The following CA10 variants were observed in gnomAD, a reference collection of about 807,000 sequenced individuals.
CA10 encodes the protein carbonic anhydrase-related protein 10.
Under a neutral mutation model 44.2 loss-of-function variants are expected in CA10, and 14 were observed. The observed-to-expected ratio is 0.32, with a 90% CI of 0.21 to 0.50. The LOEUF is 0.50. Among genes scored for constraint, CA10 ranks in the 20% least tolerant of loss-of-function variants. The pLI is 0.99. For missense variants in CA10, 350 were observed against 409.7 expected (o/e 0.85, Z 1.26); for synonymous variants, 159 against 141.6 (o/e 1.12, Z -0.87).
At chr17:51,939,253 G>C (rs188525383) in intron 2 of CA10, among the ~76,000 whole-genome samples, 6 of 152,166 alleles carry the variant, frequency 3.9e-5, no homozygotes, top group African/African-American at 1.4e-4. Flanking sequence ...CTTGTGTAAA[G>C]CTACAGAACT....
At chr17:51,793,343 G>A (rs141512291) in intron 3 of CA10, among the ~76,000 whole-genome samples, 30 of 152,280 alleles carry the variant, frequency 2.0e-4, no homozygotes, top group Non-Finnish European at 3.7e-4. Context: ...TGTGGTTGCA[G>A]TTTCACATGA....
At chr17:51,657,472 A>G (rs531991891) in intron 4 of CA10, among the ~76,000 whole-genome samples, 3 of 152,288 alleles carry the variant, frequency 2.0e-5, no homozygotes, top group Admixed American at 2.0e-4. Context: ...GCATGGGTCC[A>G]GGTGGGTCTG....
At chr17:51,887,960 G>A (rs1477943348) in intron 3 of CA10, among the ~76,000 whole-genome samples, 4 of 152,112 alleles carry the variant, frequency 2.6e-5, no homozygotes, top group Non-Finnish European at 5.9e-5. Context: ...AGGAGGCAGA[G>A]GTTGCAGTAA....
chr17:51,694,606 C>A (rs947848165), intron 4 of CA10, among the ~76,000 whole-genome samples: 5 of 150,510 alleles, frequency 3.3e-5, no homozygotes, highest in Non-Finnish European at 7.4e-5. Flanking sequence ...TGTGGGTGGT[C>A]TGTTTACTCT....
chr17:51,963,198 CCAGT>C (rs936991988), intron 2 of CA10, among the ~76,000 whole-genome samples: 11 of 151,772 alleles, frequency 7.2e-5, no homozygotes, highest in African/African-American at 1.5e-4. Context: ...TTGAACTAAC[CCAGT>C]CAGACAAAAA....
intron 2 of CA10, among the ~76,000 whole-genome samples, chr17:51,932,714 G>T (rs1431710474): frequency 6.6e-6 from 1 of 152,104 alleles, no homozygotes; most frequent in Non-Finnish European, 1.5e-5. Flanking sequence ...AGGAAGAGGA[G>T]AAACATTGAC....
At chr17:51,729,010 A>T (rs1916622133) in intron 4 of CA10, among the ~76,000 whole-genome samples, 1 of 152,132 alleles carries the variant, frequency 6.6e-6, no homozygotes, top group African/African-American at 2.4e-5. Flanking sequence ...TGCTAGAGAG[A>T]GGGAACAGCT....
At chr17:51,842,393 T>C (rs913771003) in intron 3 of CA10, among the ~76,000 whole-genome samples, 1 of 152,202 alleles carries the variant, frequency 6.6e-6, no homozygotes, top group African/African-American at 2.4e-5. Context: ...TCTAAAGAAC[T>C]GGCTGCCTGT....
In CA10 at chr17:51,747,669, C is replaced by T. The variant is rs760599695; in HGVS notation, c.429G>A (p.Ser143=). Residue 143 remains serine, a synonymous_variant, in exon 4 of 9, where the codon TCG becomes TCA. Transcript: ENST00000451037. Reference sequence around the variant, plus strand: ...AGGCCTGTCCATTGAGGAGGTGCTCCGACCCTTGGCTGTCCTCACTCCCAA... The same window carrying T: ...AGGCCTGTCCATTGAGGAGGTGCTCTGACCCTTGGCTGTCCTCACTCCCAA... ...LHFGSEDSQG[S]EHLLNGQAFS... The T allele has an allele frequency of 4.5e-5, 72 of 1,613,970 alleles. No homozygotes were observed. Among genetic ancestry groups the T allele is most frequent in the African/African-American group, 1.2e-4 (9 of 75,064 alleles).
At chr17:51,643,088 T>C (rs1284450308) in intron 6 of CA10, among the ~76,000 whole-genome samples, 1 of 152,238 alleles carries the variant, frequency 6.6e-6, no homozygotes, top group Non-Finnish European at 1.5e-5. Context: ...TATGCAGTGT[T>C]CTAATAACTG....
chr17:52,062,345 A>G (rs529563533), intron 2 of CA10, among the ~76,000 whole-genome samples: 1 of 152,192 alleles, frequency 6.6e-6, no homozygotes, highest in Non-Finnish European at 1.5e-5. Flanking sequence ...AAAAATTTAC[A>G]GTCTAGCAAT....
chr17:51,839,425 G>A (rs1172103016), intron 3 of CA10, among the ~76,000 whole-genome samples: 7 of 148,994 alleles, frequency 4.7e-5, no homozygotes, highest in South Asian at 2.1e-4. Flanking sequence ...CCTGGGAGGC[G>A]GAGCTTGCAG....
intron 3 of CA10, among the ~76,000 whole-genome samples, chr17:51,831,707 A>AGCG (rs1567854624): frequency 2.0e-5 from 2 of 98,208 alleles, no homozygotes; most frequent in Non-Finnish European, 4.8e-5. Flanking sequence ...CAGCAGCAGC[A>AGCG]GCAGCAGCAG....
At chr17:51,821,124 T>C (rs1376603139) in intron 3 of CA10, among the ~76,000 whole-genome samples, 1 of 123,508 alleles carries the variant, frequency 8.1e-6, no homozygotes, top group Non-Finnish European at 1.7e-5. Flanking sequence ...CTTCCTCCCT[T>C]CCCTCCCTCC....
chr17:51,652,103 T>C (rs974858114), intron 5 of CA10, among the ~76,000 whole-genome samples: 3 of 152,198 alleles, frequency 2.0e-5, no homozygotes, highest in Admixed American at 2.0e-4. Context: ...TGGAGAGGCA[T>C]AGAATGAGTA....
At chr17:52,144,511 T>A in intron 1 of CA10, among the ~76,000 whole-genome samples, 1 of 152,318 alleles carries the variant, frequency 6.6e-6, no homozygotes, top group Non-Finnish European at 1.5e-5. Context: ...TCTTAATTTT[T>A]AAAAAATTAT....
At chr17:51,939,636 T>C (rs1035414086) in intron 2 of CA10, among the ~76,000 whole-genome samples, 7 of 152,252 alleles carry the variant, frequency 4.6e-5, no homozygotes, top group South Asian at 2.1e-4. Flanking sequence ...ATCTCACTGA[T>C]TGAATTTGCA....
intron 3 of CA10, among the ~76,000 whole-genome samples, chr17:51,805,462 T>G (rs927380330): frequency 4.6e-5 from 7 of 152,220 alleles, no homozygotes; most frequent in African/African-American, 1.7e-4. Flanking sequence ...GGTTCTCAGC[T>G]GTGGCTATAC....
At chr17:51,716,625 C>G (rs1916123068) in intron 4 of CA10, among the ~76,000 whole-genome samples, 2 of 152,130 alleles carry the variant, frequency 1.3e-5, no homozygotes, top group African/African-American at 4.8e-5. Context: ...CAAATACTGT[C>G]TCACCACTTA....
Sources: gnomAD v4.1 joint callset for allele counts (sites outside exome capture counted in the v4.1 genomes callset) on GRCh38, gnomAD v4.1.1 for gene constraint, MANE v1.5 for transcripts, NCBI Gene and HGNC (gene_info 2026-07-23, HGNC 2026-07-21) for gene names.